CYTH3: variants seen among roughly 807,000 people sequenced by gnomAD.
CYTH3 encodes cytohesin 3, also known as cytohesin-3.
CYTH3 carries 23 observed loss-of-function variants against 55.1 expected under a neutral mutation model. The ratio of observed to expected loss-of-function variants is 0.42; its 90% CI spans 0.30 to 0.59. The LOEUF is 0.59. Among genes scored for constraint, CYTH3 ranks in the 20% least tolerant of loss-of-function variants. The pLI is 0.20. For synonymous variants in CYTH3, 249 were observed against 194.9 expected, an observed-to-expected ratio of 1.28 and a Z score of -2.31; for missense variants, 413 against 524.8, an observed-to-expected ratio of 0.79 and a Z score of 2.08.
intron 1 of CYTH3, among the ~76,000 whole-genome samples, chr7:6,204,492 T>A (rs1784140249): frequency 6.6e-6 from 1 of 152,114 alleles, no homozygotes; most frequent in Non-Finnish European, 1.5e-5. Flanking sequence ...CCCACAAAGA[T>A]GTGAAAGGTG....
intron 1 of CYTH3, among the ~76,000 whole-genome samples, chr7:6,245,367 G>C (rs1461809352): frequency 6.6e-6 from 1 of 152,042 alleles, no homozygotes; most frequent in Non-Finnish European, 1.5e-5. Context: ...CTCAGAATTA[G>C]AGAGTTTCAG....
chr7:6,215,780 G>C (rs2128550286), intron 1 of CYTH3, among the ~76,000 whole-genome samples: 1 of 152,202 alleles, frequency 6.6e-6, no homozygotes, highest in East Asian at 1.9e-4. Flanking sequence ...TTCTGAAAGA[G>C]AAAAATGTTT....
chr7:6,230,188 G>C (rs1473748357), intron 1 of CYTH3, among the ~76,000 whole-genome samples: 2 of 152,154 alleles, frequency 1.3e-5, no homozygotes, highest in African/African-American at 4.8e-5. Context: ...ACTCAAGGAT[G>C]GTTGTGAGAC....
intron 1 of CYTH3, among the ~76,000 whole-genome samples, chr7:6,214,269 C>G (rs549586034): frequency 6.6e-6 from 1 of 152,154 alleles, no homozygotes; most frequent in Admixed American, 6.5e-5. Flanking sequence ...AGCCTTTCAA[C>G]GTTTTTGTGT....
rs538936237 is a variant in CYTH3, at chr7:6,237,345, T to C, written c.34+35129A>G. On this transcript the variant is annotated intron_variant, in intron 1 of 12. Transcript: ENST00000350796. ...ACTGATAAAAGGCTGAGAAAATAAA[T>C]CTACTACACTGACGAAATTAGTTAC... Among the ~76,000 whole-genome samples the C allele has an allele frequency of 2.0e-5, 3 of 152,292 alleles. No individual in the cohort carries two copies. In the South Asian group the frequency reaches 6.2e-4, roughly 32 times the overall value.
intron 9 of CYTH3, among the ~76,000 whole-genome samples, chr7:6,166,047 A>G (rs918827190): frequency 6.6e-6 from 1 of 152,140 alleles, no homozygotes; most frequent in Non-Finnish European, 1.5e-5. Context: ...CCGCGCTACA[A>G]TTCGCTTCCT....
chr7:6,243,575 G>A (rs1407275613), intron 1 of CYTH3, among the ~76,000 whole-genome samples: 1 of 152,204 alleles, frequency 6.6e-6, no homozygotes, highest in Non-Finnish European at 1.5e-5. Flanking sequence ...ATAAGGGGAG[G>A]TTCAGTTGGA....
chr7:6,174,180 C>G (rs543176694), intron 5 of CYTH3, among the ~76,000 whole-genome samples: 48 of 152,012 alleles, frequency 3.2e-4, no homozygotes, highest in African/African-American at 9.2e-4. Context: ...ATGGCGTGAT[C>G]TCAACTCACC....
chr7:6,225,486 T>C (rs907613121), intron 1 of CYTH3, among the ~76,000 whole-genome samples: 1 of 151,834 alleles, frequency 6.6e-6, no homozygotes, highest in African/African-American at 2.4e-5. Context: ...CCCAAGTAGT[T>C]GGGATTACAG....
chr7:6,194,766 A>T lies in CYTH3; in HGVS notation c.35-4235T>A, dbSNP rs1464930426. Among the ~76,000 whole-genome samples, 3 of 152,264 alleles carry T rather than the reference A, an allele frequency of 2.0e-5. No homozygotes were observed. The East Asian group carries it at 5.8e-4, about 29-fold the overall frequency. ...CCAAGGCAGGCGGATCATGACGTCA[A>T]GAGATCGAGAGCATCCTGGCTAACA... On this transcript the variant is annotated intron_variant, in intron 1 of 12. Transcript: ENST00000350796.
At chr7:6,256,467 A>G (rs1237179464) in intron 1 of CYTH3, among the ~76,000 whole-genome samples, 1 of 152,236 alleles carries the variant, frequency 6.6e-6, no homozygotes, top group Non-Finnish European at 1.5e-5. Flanking sequence ...GAACTTAACA[A>G]GACTTCTGAA....
chr7:6,244,600 G>C (rs185137872), intron 1 of CYTH3, among the ~76,000 whole-genome samples: 2 of 152,248 alleles, frequency 1.3e-5, no homozygotes, highest in African/African-American at 4.8e-5. Flanking sequence ...GAGTAGCTGG[G>C]ACTACCAGTA....
chr7:6,174,799 G>T (rs548424863), intron 5 of CYTH3, among the ~76,000 whole-genome samples: 1 of 151,212 alleles, frequency 6.6e-6, no homozygotes, highest in Non-Finnish European at 1.5e-5. Flanking sequence ...CACCCACCTC[G>T]GCCTCCCAAA....
At chr7:6,226,529 G>A (rs908617644) in intron 1 of CYTH3, among the ~76,000 whole-genome samples, 1 of 152,326 alleles carries the variant, frequency 6.6e-6, no homozygotes, top group Middle Eastern at 3.4e-3. Flanking sequence ...AGAAGGTGAA[G>A]CTGGCAGTCT....
intron 1 of CYTH3, among the ~76,000 whole-genome samples, chr7:6,196,649 C>T (rs576540317): frequency 9.9e-5 from 15 of 152,066 alleles, no homozygotes; most frequent in African/African-American, 2.6e-4. Context: ...TTAGTAGAGA[C>T]GGGGTTTCAC....
At chr7:6,244,665 T>C (rs1001591373) in intron 1 of CYTH3, among the ~76,000 whole-genome samples, 2 of 152,066 alleles carry the variant, frequency 1.3e-5, no homozygotes, top group African/African-American at 2.4e-5. Flanking sequence ...CTCACTACAT[T>C]TCCTAGGCTA....
Position 6,180,799 on chromosome 7 carries a change from C to T in CYTH3, c.250-2858G>A, listed in dbSNP as rs185378587. Among the ~76,000 whole-genome samples, 535 of 152,320 alleles carry T rather than the reference C, an allele frequency of 3.5e-3. 2 individuals carry two copies. The highest frequency in any genetic ancestry group is 4.1e-3 in the Non-Finnish European group (276 of 68,024). ...GGCACCATTTGACCCACTACACCTA[C>T]TCTATCTTTTTCTGTTTCTCTTCTA... On this transcript the variant is annotated intron_variant, in intron 4 of 12. Coordinates refer to ENST00000350796, the MANE Select transcript of CYTH3 (RefSeq NM_004227.4).
chr7:6,174,991 G>C (rs1374872813), intron 5 of CYTH3, among the ~76,000 whole-genome samples: 3 of 152,178 alleles, frequency 2.0e-5, no homozygotes, highest in Admixed American at 2.0e-4. Context: ...TTATTTGGAA[G>C]AGTTCTTTAT....
Position 6,171,359 on chromosome 7 carries a change from C to T in CYTH3, c.450-45G>A, listed in dbSNP as rs758946954. On this transcript the variant is annotated intron_variant, in intron 6 of 12. Coordinates refer to ENST00000350796, the MANE Select transcript of CYTH3 (RefSeq NM_004227.4). The surrounding 1 kb of genome is among the most constrained non-coding windows in gnomAD (Gnocchi z 6.7). ...ATGGGAAGCCGCATCAGAACCAACA[C>T]CGCCTCACGGCCAAGGGCGGCTTCT... 1.9e-6 allele frequency: 3 copies of T among 1,588,428 alleles called. No homozygotes were observed. The highest frequency in any genetic ancestry group is 1.7e-5 in the Admixed American group (1 of 59,858).
Sources: gnomAD v4.1 joint callset for allele counts (sites outside exome capture counted in the v4.1 genomes callset) on GRCh38, gnomAD v4.1.1 for gene constraint, Gnocchi (gnomAD v3.1) non-coding constraint, MANE v1.5 for transcripts, NCBI Gene and HGNC (gene_info 2026-07-23, HGNC 2026-07-21) for gene names.